SPIRE1: variants seen among roughly 807,000 people sequenced by gnomAD.
SPIRE1 encodes the protein protein spire homolog 1.
SPIRE1 carries 40 observed loss-of-function variants against 94.1 expected under a neutral mutation model. The ratio of observed to expected loss-of-function variants is 0.43; its 90% CI spans 0.33 to 0.55. The LOEUF (loss-of-function observed/expected upper bound fraction) is 0.55, where lower values mean the gene tolerates loss of function less well. Among genes scored for constraint, SPIRE1 ranks in the 20% least tolerant of loss-of-function variants. The pLI is 0.06. For missense variants in SPIRE1, 838 were observed against 975.2 expected (o/e 0.86, Z 1.87); for synonymous variants, 376 against 371.7 (o/e 1.01, Z -0.13).
At chr18:12,596,838 T>C (rs771464108) in intron 2 of SPIRE1, among the ~76,000 whole-genome samples, 61 of 149,070 alleles carry the variant, frequency 4.1e-4, no homozygotes, top group African/African-American at 1.4e-3. Context: ...CCTCAAGAAG[T>C]CACTGTAGAT....
intron 1 of SPIRE1, among the ~76,000 whole-genome samples, chr18:12,652,493 A>G (rs1258737359): frequency 1.3e-5 from 2 of 151,942 alleles, no homozygotes; most frequent in African/African-American, 4.8e-5. Flanking sequence ...TCACAGAAAT[A>G]CTTCTTAACC....
At chr18:12,459,914 G>T (rs1473016792) in intron 12 of SPIRE1, 1 of 985,626 alleles carries the variant, frequency 1.0e-6, no homozygotes, top group Non-Finnish European at 1.2e-6. Context: ...GCCATACACT[G>T]GTTATCCTAG....
intron 2 of SPIRE1, among the ~76,000 whole-genome samples, chr18:12,608,570 G>C (rs187559047): frequency 1.3e-5 from 2 of 152,044 alleles, no homozygotes; most frequent in African/African-American, 2.4e-5. Context: ...AAAATTACTA[G>C]ATCAAACCCA....
chr18:12,587,764 AC>A (rs2036427909), intron 2 of SPIRE1, among the ~76,000 whole-genome samples: 2 of 152,220 alleles, frequency 1.3e-5, no homozygotes, highest in South Asian at 4.1e-4. Flanking sequence ...GATATATTCC[AC>A]CACTTCTGTT....
chr18:12,537,949 C>T (rs1303543208), intron 3 of SPIRE1, among the ~76,000 whole-genome samples: 1 of 152,110 alleles, frequency 6.6e-6, no homozygotes, highest in Non-Finnish European at 1.5e-5. Context: ...AGATTGAATG[C>T]AATCCCTAAC....
chr18:12,475,923 T>C (rs2032553163), intron 10 of SPIRE1, among the ~76,000 whole-genome samples: 1 of 152,216 alleles, frequency 6.6e-6, no homozygotes, highest in Admixed American at 6.5e-5. Flanking sequence ...GAGAATTGTC[T>C]TTACTAATTC....
At chr18:12,635,884 TG>T (rs200932410) in intron 1 of SPIRE1, among the ~76,000 whole-genome samples, 1 of 151,740 alleles carries the variant, frequency 6.6e-6, no homozygotes, top group Non-Finnish European at 1.5e-5. Context: ...TGGGTTTTTT[TG>T]GTTTTTTTTG....
intron 3 of SPIRE1, among the ~76,000 whole-genome samples, chr18:12,539,736 C>T (rs976495641): frequency 6.6e-6 from 1 of 151,546 alleles, no homozygotes; most frequent in African/African-American, 2.4e-5. Context: ...ACCAGCCTGA[C>T]CAACATAGTG....
At chr18:12,582,261 G>C (rs1175026498) in intron 2 of SPIRE1, among the ~76,000 whole-genome samples, 1 of 152,098 alleles carries the variant, frequency 6.6e-6, no homozygotes, top group Non-Finnish European at 1.5e-5. Flanking sequence ...TTATTTATAT[G>C]GTTAATGAAA....
In SPIRE1 at chr18:12,473,976, C is replaced by T. The variant is rs144460801; in HGVS notation, c.1404+5723G>A. Among the ~76,000 whole-genome samples, 495 of 152,180 alleles carry T rather than the reference C, an allele frequency of 3.3e-3. 1 individual carries two copies. The highest frequency in any genetic ancestry group is 0.011 in the African/African-American group (462 of 41,514). ...TGGAAAAGGAGATTAAATAAGATCA[C>T]GTATATATACAGAGTTTACCATACA... is the stretch of plus-strand genomic sequence containing the variant. On this transcript the variant is annotated intron_variant, in intron 10 of 16. Transcript: ENST00000409402.
intron 2 of SPIRE1, among the ~76,000 whole-genome samples, chr18:12,562,761 C>T (rs1459699558): frequency 1.3e-5 from 2 of 151,326 alleles, no homozygotes; most frequent in African/African-American, 4.9e-5. Context: ...CCTTCTGCTT[C>T]TGCCTCCCAA....
intron 9 of SPIRE1, 82 bp downstream of exon 9, chr18:12,485,877 T>C (rs1246521811): frequency 9.4e-7 from 1 of 1,060,230 alleles, no homozygotes; most frequent in Admixed American, 2.4e-5. Context: ...TTTAACATGT[T>C]TGAACAAGCA....
At chr18:12,453,412 C>A (rs2031340182) in intron 13 of SPIRE1, among the ~76,000 whole-genome samples, 1 of 150,880 alleles carries the variant, frequency 6.6e-6, no homozygotes, top group Admixed American at 6.7e-5. Context: ...TCTGAAAAAC[C>A]CTCCTCTGTT....
At chr18:12,450,002 G>T in intron 16 of SPIRE1, 106 bp from the exon 17 acceptor site, 1 of 1,134,728 alleles carries the variant, frequency 8.8e-7, no homozygotes, top group Non-Finnish European at 1.2e-6. Context: ...AAACATCATG[G>T]AATGGATGAG....
At chr18:12,621,169 CACATGAAATACCATTTT>C (rs2037457407) in intron 2 of SPIRE1, among the ~76,000 whole-genome samples, 1 of 152,102 alleles carries the variant, frequency 6.6e-6, no homozygotes, top group African/African-American at 2.4e-5. Context: ...AAAGCAAAAC[CACATGAAATACCATTTT>C]ACATGCACTA....
At chr18:12,540,019 G>A (rs1236453984) in intron 3 of SPIRE1, among the ~76,000 whole-genome samples, 1 of 151,980 alleles carries the variant, frequency 6.6e-6, no homozygotes, top group East Asian at 1.9e-4. Flanking sequence ...CAATAATGTG[G>A]AAAGAGTGGT....
At chr18:12,605,769 A>G (rs1208793485) in intron 2 of SPIRE1, among the ~76,000 whole-genome samples, 1 of 152,198 alleles carries the variant, frequency 6.6e-6, no homozygotes, top group African/African-American at 2.4e-5. Flanking sequence ...ATAAATATGA[A>G]TATCTGTATT....
intron 8 of SPIRE1, among the ~76,000 whole-genome samples, chr18:12,487,935 C>A (rs939531072): frequency 6.6e-6 from 1 of 152,158 alleles, no homozygotes; most frequent in African/African-American, 2.4e-5. Flanking sequence ...AGTACCTTTG[C>A]ATCAAAGAGA....
rs1410677366 is a variant in SPIRE1, at chr18:12,559,377, T to C, written c.373-12473A>G. On this transcript the variant is annotated intron_variant, in intron 2 of 16. Transcript: ENST00000409402. This position sits in a 1 kb window ranked among gnomAD's most constrained non-coding sequence, Gnocchi z 4.7. Reference sequence around the variant, plus strand: ...CGGGCCGGCGTCGCCAGCCGGCAGCTCTGAGTGCTGGCCGGGCGAGACTGC... The same window carrying C: ...CGGGCCGGCGTCGCCAGCCGGCAGCCCTGAGTGCTGGCCGGGCGAGACTGC... 6.6e-6 allele frequency among the ~76,000 whole-genome samples: 1 copy of C among 152,128 alleles called. No individual in the cohort carries two copies. Among genetic ancestry groups the C allele is most frequent in the African/African-American group, 2.4e-5 (1 of 41,440 alleles).
Sources: gnomAD v4.1 joint callset for allele counts (sites outside exome capture counted in the v4.1 genomes callset) on GRCh38, gnomAD v4.1.1 for gene constraint, Gnocchi (gnomAD v3.1) non-coding constraint, MANE v1.5 for transcripts, NCBI Gene and HGNC (gene_info 2026-07-23, HGNC 2026-07-21) for gene names.